Variants in SNX30 observed in about 807,000 individuals in gnomAD.
SNX30 encodes sorting nexin family member 30.
In SNX30, 24 loss-of-function variants were observed where a neutral mutation model predicts 46.4. The ratio of observed to expected loss-of-function variants is 0.52; its 90% CI spans 0.37 to 0.73. The LOEUF (loss-of-function observed/expected upper bound fraction) is 0.73, where lower values mean the gene tolerates loss of function less well. Among genes scored for constraint, SNX30 ranks in the 30% least tolerant of loss-of-function variants. The pLI, the probability that SNX30 is intolerant of heterozygous loss-of-function variation, is 0.00. For synonymous variants in SNX30, 189 were observed against 211.5 expected (o/e 0.89, Z 0.92); for missense variants, 533 against 555.7 (o/e 0.96, Z 0.41).
chr9:112,824,377 C>G (rs1840549776), intron 3 of SNX30, among the ~76,000 whole-genome samples: 1 of 152,044 alleles, frequency 6.6e-6, no homozygotes. Context: ...TATTCAGTTT[C>G]TAAAAATGTT....
At chr9:112,804,132 G>T (rs1840183405) in intron 1 of SNX30, among the ~76,000 whole-genome samples, 1 of 151,230 alleles carries the variant, frequency 6.6e-6, no homozygotes, top group Admixed American at 6.6e-5. Context: ...GACCGGAGCT[G>T]TTCCTATTCG....
In SNX30 at chr9:112,849,227, T is replaced by G. The variant is rs533394519; in HGVS notation, c.1015-1632T>G. On this transcript the variant is annotated intron_variant, in intron 6 of 8. Transcript: ENST00000374232. ...CTACTGCTGTATCAGACCAATAGATTTAGATTATTTTCTGGGCTGTATGAA... is the reference window on the plus strand; with the variant it reads ...CTACTGCTGTATCAGACCAATAGATGTAGATTATTTTCTGGGCTGTATGAA... Among the ~76,000 whole-genome samples the G allele has an allele frequency of 3.3e-5, 5 of 152,316 alleles. No individual in the cohort carries two copies. The South Asian group carries it at 8.3e-4, about 25-fold the overall frequency.
intron 7 of SNX30, among the ~76,000 whole-genome samples, chr9:112,854,107 A>G (rs1841079819): frequency 6.6e-6 from 1 of 152,218 alleles, no homozygotes; most frequent in African/African-American, 2.4e-5. Context: ...TAATATGTTC[A>G]TCCCTATACA....
In SNX30 at chr9:112,865,624, C is replaced by CATAT. The variant is rs796986603; in HGVS notation, c.1254+1260_1254+1263dup. On this transcript the variant is annotated intron_variant, in intron 8 of 8. Coordinates refer to ENST00000374232, the MANE Select transcript of SNX30 (RefSeq NM_001012994.2). ...ACAGAGTTTTTTGATCCTGTCACGC[C>CATAT]ATATATATATATATATATATATATA... is the stretch of plus-strand genomic sequence containing the variant. 5.8e-3 allele frequency among the ~76,000 whole-genome samples: 461 copies of CATAT among 78,894 alleles called. 3 individuals carry two copies. Among genetic ancestry groups the CATAT allele is most frequent in the South Asian group, 8.4e-3 (14 of 1,662 alleles). 51.8% of individuals were successfully genotyped at this position (78,894 alleles called of 152,430 possible). A position where few individuals can be genotyped will look rare whatever the true frequency, so the allele number is the denominator to read the frequency against.
intron 2 of SNX30, among the ~76,000 whole-genome samples, chr9:112,812,175 C>T (rs1452371238): frequency 6.6e-6 from 1 of 152,156 alleles, no homozygotes; most frequent in East Asian, 1.9e-4. Flanking sequence ...TTTTACCTAT[C>T]ACTATATCTT....
intron 1 of SNX30, among the ~76,000 whole-genome samples, chr9:112,785,277 G>A (rs1839904315): frequency 6.6e-6 from 1 of 151,754 alleles, no homozygotes; most frequent in African/African-American, 2.4e-5. Flanking sequence ...GTATGGTAGT[G>A]TGATCACAGC....
Position 112,819,688 on chromosome 9 carries a change from A to G in SNX30, c.459+1873A>G, listed in dbSNP as rs147267403. On this transcript the variant is annotated intron_variant, in intron 3 of 8. Transcript: ENST00000374232. ...CAGGCTTTCCCTTTTTTGGATGACC[A>G]TGACTGTTTTGAGGAGTACTAGTCA... Among the ~76,000 whole-genome samples the G allele has an allele frequency of 2.6e-3, 402 of 152,224 alleles. 1 individual carries two copies. The highest frequency in any genetic ancestry group is 9.0e-3 in the African/African-American group (375 of 41,548).
Position 112,869,617 on chromosome 9 carries a change from G to T in SNX30, c.*774G>T, listed in dbSNP as rs912665. On this transcript the variant is annotated 3_prime_UTR_variant, in exon 9 of 9. Coordinates refer to ENST00000374232, the MANE Select transcript of SNX30 (RefSeq NM_001012994.2). ...GTAAAATGAAAAAAACAAAGTGCTG[G>T]TTTTTTTTTTTTTTCTGTGAAGGTC... 0.81 allele frequency: 112,159 copies of T among 137,846 alleles called. 43,525 individuals are homozygous for T. The highest frequency in any genetic ancestry group is 0.94 in the African/African-American group (38,181 of 40,620). The allele number at this position is 137,846 out of a possible 1,614,324, so 8.5% of individuals were successfully genotyped here. A position where few individuals can be genotyped will look rare whatever the true frequency, so the allele number is the denominator to read the frequency against.
chr9:112,808,882 AC>A (rs1466589824), intron 2 of SNX30, among the ~76,000 whole-genome samples: 2 of 152,200 alleles, frequency 1.3e-5, no homozygotes, highest in African/African-American at 4.8e-5. Flanking sequence ...TAAATGCTTT[AC>A]GTATATTATC....
intron 7 of SNX30, among the ~76,000 whole-genome samples, chr9:112,863,620 C>T (rs1841273348): frequency 6.6e-6 from 1 of 152,196 alleles, no homozygotes; most frequent in Non-Finnish European, 1.5e-5. Flanking sequence ...AACTTTCCTC[C>T]TGTTTTCTCA....
At chr9:112,764,062 A>T (rs577873446) in intron 1 of SNX30, among the ~76,000 whole-genome samples, 1 of 152,090 alleles carries the variant, frequency 6.6e-6, no homozygotes, top group African/African-American at 2.4e-5. Context: ...GTCCATGTAG[A>T]TGATGAAAGT....
chr9:112,838,564 T>C lies in SNX30; in HGVS notation c.881T>C (p.Leu294Pro), dbSNP rs1258608882. The C allele has an allele frequency of 5.6e-6, 9 of 1,614,062 alleles. No individual in the cohort carries two copies. Among genetic ancestry groups the C allele is most frequent in the Non-Finnish European group, 7.6e-6 (9 of 1,180,030 alleles). Residue 294 changes from leucine to proline, a missense_variant, in exon 6 of 9, where the codon CTG becomes CCG. This residue lies in a region of SNX30 where 261 missense variants were observed against 270.9 expected (regional missense o/e 0.96). Transcript: ENST00000374232. ...YSTWSALEGE[L>P]AEPLEGVSAC... Reference sequence around the variant, plus strand: ...ACATGGAGCGCCTTGGAGGGTGAGCTGGCTGAACCCCTGGAGGGTGTGTCA... The same window carrying C: ...ACATGGAGCGCCTTGGAGGGTGAGCCGGCTGAACCCCTGGAGGGTGTGTCA...
At chr9:112,804,221 A>C (rs1194137084) in intron 1 of SNX30, among the ~76,000 whole-genome samples, 2 of 151,818 alleles carry the variant, frequency 1.3e-5, no homozygotes, top group Non-Finnish European at 2.9e-5. Context: ...TTGGAGTGCA[A>C]TGGCGCAGTC....
At chr9:112,772,106 G>C (rs945374961) in intron 1 of SNX30, among the ~76,000 whole-genome samples, 2 of 152,156 alleles carry the variant, frequency 1.3e-5, no homozygotes, top group Admixed American at 1.3e-4. Flanking sequence ...GCCAGTCTCC[G>C]TGAAAGAGGA....
chr9:112,864,207 T>C lies in SNX30; in HGVS notation c.1102-40T>C, dbSNP rs764358476. 1.9e-6 allele frequency: 3 copies of C among 1,609,396 alleles called. No individual in the cohort carries two copies. In the East Asian group the frequency reaches 6.7e-5, roughly 36 times the overall value. On this transcript the variant is annotated intron_variant, in intron 7 of 8. Coordinates refer to ENST00000374232, the MANE Select transcript of SNX30 (RefSeq NM_001012994.2). ...AGGAGCTCAAGGCAAGAGATGCCAGTTTTGTGTGCAGGGCACCCATGTGTG... is the reference window on the plus strand; with the variant it reads ...AGGAGCTCAAGGCAAGAGATGCCAGCTTTGTGTGCAGGGCACCCATGTGTG...
chr9:112,865,643 ATATATATATATATATATATGTATG>A (rs1841315576), intron 8 of SNX30, among the ~76,000 whole-genome samples: 2 of 83,668 alleles, frequency 2.4e-5, no homozygotes, highest in Admixed American at 1.2e-4. Context: ...ATATATATAT[ATATATATATATATATATATGTATG>A]TATGTATGCA....
intron 7 of SNX30, among the ~76,000 whole-genome samples, chr9:112,862,068 T>C (rs2131502194): frequency 6.6e-6 from 1 of 152,336 alleles, no homozygotes; most frequent in Admixed American, 6.5e-5. Context: ...CAGAATGTGT[T>C]GTGAAACTGA....
Position 112,836,354 on chromosome 9 carries a change from A to G in SNX30, c.759A>G (p.Ala253=). The change falls in exon 5 of 9, where the codon GCA becomes GCG. Residue 253 remains alanine, a synonymous_variant. Coordinates refer to ENST00000374232, the MANE Select transcript of SNX30 (RefSeq NM_001012994.2). ...TAGGTGACTACTTAGATACATTTGC[A>G]CTCAAACTGGGAACCATTGATCGAA... is the stretch of plus-strand genomic sequence containing the variant. ...AAIGDYLDTF[A]LKLGTIDRIA... 1 of 1,610,052 alleles carries G rather than the reference A, an allele frequency of 6.2e-7. No individual in the cohort carries two copies.
At chr9:112,775,545 TGTGTGTGTGTG>T (rs1839732409) in intron 1 of SNX30, among the ~76,000 whole-genome samples, 5 of 64,436 alleles carry the variant, frequency 7.8e-5, no homozygotes, top group East Asian at 1.0e-3. Context: ...TTTAAATTTG[TGTGTGTGTGTG>T]TGTGTGTGTG....
Sources: gnomAD v4.1 joint callset for allele counts (sites outside exome capture counted in the v4.1 genomes callset) on GRCh38, gnomAD v4.1.1 for gene constraint, gnomAD v4.1.1 regional missense constraint, MANE v1.5 for transcripts, NCBI Gene and HGNC (gene_info 2026-07-23, HGNC 2026-07-21) for gene names.